Variants in PRDM15 observed in about 807,000 individuals in gnomAD.
PRDM15 encodes the protein PR domain zinc finger protein 15.
A neutral mutation model predicts 128.6 loss-of-function variants in PRDM15; 64 were observed. That is an observed-to-expected ratio of 0.50 (90% CI 0.41 to 0.61). PRDM15 has a LOEUF of 0.61. PRDM15 is among the 20% of genes least tolerant of loss of function. PRDM15 has a pLI of 0.00. For missense variants in PRDM15, 1,242 were observed against 1,569.1 expected (o/e 0.79, Z 3.52); for synonymous variants, 615 against 621.8 (o/e 0.99, Z 0.16).
In PRDM15 at chr21:41,834,696, T is replaced by G. The variant is rs144357292; in HGVS notation, c.1366+741A>C. 3.0e-3 allele frequency: 2,122 copies of G among 698,674 alleles called. 36 individuals carry two copies. In the African/African-American group the frequency reaches 0.033, roughly 11 times the overall value. 43.3% of individuals were successfully genotyped at this position (698,674 alleles called of 1,614,324 possible). A position where few individuals can be genotyped will look rare whatever the true frequency, so the allele number is the denominator to read the frequency against. On this transcript the variant is annotated intron_variant, in intron 11 of 23. Coordinates refer to ENST00000398548, the MANE Select transcript of PRDM15 (RefSeq NM_001040424.3). ...GGTGTGACTCCCACATCCCAGAGGGTGCACGTCATCACTGCAGAATACAGG... is the reference window on the plus strand; with the variant it reads ...GGTGTGACTCCCACATCCCAGAGGGGGCACGTCATCACTGCAGAATACAGG...
intron 1 of PRDM15, chr21:41,878,843 G>A: frequency 2.3e-6 from 2 of 853,486 alleles, no homozygotes; most frequent in East Asian, 2.0e-4. Context: ...GGGGCCGCGG[G>A]CCGGGGCGGC....
In PRDM15 at chr21:41,857,247, G is replaced by A. The variant is rs1355389448; in HGVS notation, c.214C>T (p.Arg72Trp). The A allele has an allele frequency of 5.0e-6, 8 of 1,613,736 alleles. No homozygotes were observed. Among genetic ancestry groups the A allele is most frequent in the African/African-American group, 1.3e-5 (1 of 74,898 alleles). ...GACTCAAAGGGACCGAACTGTGTCCGCTTGACGAGCTGAGTGATGGCGAAC... is the reference window on the plus strand; with the variant it reads ...GACTCAAAGGGACCGAACTGTGTCCACTTGACGAGCTGAGTGATGGCGAAC... ...GVFAITQLVK[R>W]TQFGPFESRR... The change falls in exon 4 of 24, where the codon CGG becomes TGG. Residue 72 changes from arginine (R) to tryptophan (W), a missense_variant. Around this residue, in one of 3 missense-constraint regions of PRDM15, gnomAD observed 612 missense variants for 717.0 expected, o/e 0.85. Transcript: ENST00000398548.
In PRDM15 at chr21:41,862,589, T is replaced by C. The variant is rs557587179; in HGVS notation, c.-9-2217A>G. Reference sequence around the variant, plus strand: ...TATGTAAATGTCCGAGTCCTGGCAATAAGGGTCCCGATTAGCAGCATCTGG... The same window carrying C: ...TATGTAAATGTCCGAGTCCTGGCAACAAGGGTCCCGATTAGCAGCATCTGG... On this transcript the variant is annotated intron_variant, in intron 1 of 23. Coordinates refer to ENST00000398548, the MANE Select transcript of PRDM15 (RefSeq NM_001040424.3). The surrounding 1 kb of genome is among the most constrained non-coding windows in gnomAD (Gnocchi z 4.1). Among the ~76,000 whole-genome samples, 48 of 152,266 alleles carry C rather than the reference T, an allele frequency of 3.2e-4. No individual in the cohort carries two copies. Among genetic ancestry groups the C allele is most frequent in the African/African-American group, 9.1e-4 (38 of 41,544 alleles).
chr21:41,806,894 C>T, intron 21 of PRDM15, among the ~76,000 whole-genome samples: 1 of 150,942 alleles, frequency 6.6e-6, no homozygotes, highest in Admixed American at 6.6e-5. Context: ...CCACTACCAC[C>T]ATGTGGCATC....
At chr21:41,823,977 G>A (rs748819453) in intron 13 of PRDM15, among the ~76,000 whole-genome samples, 4 of 152,224 alleles carry the variant, frequency 2.6e-5, no homozygotes, top group Non-Finnish European at 5.9e-5. Flanking sequence ...CCAGGGCTGG[G>A]GTTGGCGCTG....
At chr21:41,807,377 G>T (rs978178501) in intron 21 of PRDM15, among the ~76,000 whole-genome samples, 2 of 152,124 alleles carry the variant, frequency 1.3e-5, no homozygotes, top group African/African-American at 4.8e-5. Context: ...AACTTAACTA[G>T]TTAAATTAGT....
At chr21:41,871,190 A>G (rs2146015811) in intron 1 of PRDM15, among the ~76,000 whole-genome samples, 1 of 152,332 alleles carries the variant, frequency 6.6e-6, no homozygotes, top group East Asian at 1.9e-4. Context: ...GCTGCCCAGC[A>G]GTTAAAAGGC....
intron 21 of PRDM15, among the ~76,000 whole-genome samples, chr21:41,807,895 G>A (rs2061732881): frequency 6.6e-6 from 1 of 152,188 alleles, no homozygotes; most frequent in Admixed American, 6.5e-5. Context: ...TGGGCTTGAG[G>A]GGAGTGGGGA....
chr21:41,868,910 G>C (rs954361546), intron 1 of PRDM15, among the ~76,000 whole-genome samples: 1 of 152,008 alleles, frequency 6.6e-6, no homozygotes, highest in Non-Finnish European at 1.5e-5. Flanking sequence ...GGCTGGTCTC[G>C]AACTCCTCAC....
At chr21:41,878,922 C>CGCGG (rs1328668656) in intron 1 of PRDM15, 45 of 956,262 alleles carry the variant, frequency 4.7e-5, no homozygotes, top group South Asian at 9.5e-5. Flanking sequence ...TGGGCCTGGC[C>CGCGG]GCGGGCGGGC....
At position 41,800,677 on chromosome 21, in the gene PRDM15, G is replaced by A. The variant is rs958113246; in HGVS notation, c.*563C>T. 5.3e-5 allele frequency: 8 copies of A among 152,292 alleles called. No homozygotes were observed. Among genetic ancestry groups the A allele is most frequent in the Admixed American group, 1.3e-4 (2 of 15,294 alleles). 9.4% of individuals were successfully genotyped at this position (152,292 alleles called of 1,614,324 possible). A position where few individuals can be genotyped will look rare whatever the true frequency, so the allele number is the denominator to read the frequency against. On this transcript the variant is annotated 3_prime_UTR_variant, in exon 24 of 24. Transcript: ENST00000398548. Reference sequence around the variant, plus strand: ...GCACGCCTCATGGTTTCAGCCCATAGTTGTATAAGAACCGACTCCACTCCT... The same window carrying A: ...GCACGCCTCATGGTTTCAGCCCATAATTGTATAAGAACCGACTCCACTCCT...
intron 13 of PRDM15, 27 bp downstream of exon 13, chr21:41,825,933 G>C: frequency 6.5e-7 from 1 of 1,528,774 alleles, no homozygotes; most frequent in Non-Finnish European, 9.1e-7. Context: ...TTCCATCTCA[G>C]CGTCCGACGT....
intron 12 of PRDM15, among the ~76,000 whole-genome samples, chr21:41,827,791 C>T (rs1030665449): frequency 1.3e-4 from 20 of 152,074 alleles, no homozygotes; most frequent in African/African-American, 4.6e-4. Context: ...ACTGGTTTTT[C>T]CCACTTTCTG....
Position 41,802,861 on chromosome 21 carries a change from G to C in PRDM15, c.2794C>G (p.Arg932Gly). ...GGCTTCTGCTTTCTCTTGTGACTTC[G>C]CTTGGCAGCTTTCCCGTGCTTCCCT... ...AEGKHGKAAKRSHKRKQKPEE... is the reference protein window; with the variant it reads ...AEGKHGKAAKGSHKRKQKPEE... Residue 932 changes from arginine (R) to glycine (G), a missense_variant, in exon 23 of 24, where the codon CGA becomes GGA. By Grantham distance (125) the Arg-to-Gly change is moderately radical. This residue lies in a region of PRDM15 where 602 missense variants were observed against 788.3 expected (regional missense o/e 0.76). Coordinates refer to ENST00000398548, the MANE Select transcript of PRDM15 (RefSeq NM_001040424.3). The C allele has an allele frequency of 1.2e-6, 2 of 1,614,106 alleles. No individual in the cohort carries two copies. Among genetic ancestry groups the C allele is most frequent in the Non-Finnish European group, 1.7e-6 (2 of 1,180,022 alleles).
intron 11 of PRDM15, among the ~76,000 whole-genome samples, chr21:41,829,034 C>G (rs964688639): frequency 4.1e-5 from 6 of 147,308 alleles, no homozygotes; most frequent in African/African-American, 1.3e-4. Flanking sequence ...TACACACACA[C>G]GCCCCACCCA....
chr21:41,808,736 G>A (rs1348628453), intron 21 of PRDM15, among the ~76,000 whole-genome samples: 3 of 152,150 alleles, frequency 2.0e-5, no homozygotes, highest in Non-Finnish European at 4.4e-5. Flanking sequence ...TTATATATGT[G>A]CACAACGTAT....
At chr21:41,807,986 C>G (rs368888341) in intron 21 of PRDM15, among the ~76,000 whole-genome samples, 1 of 152,268 alleles carries the variant, frequency 6.6e-6, no homozygotes, top group South Asian at 2.1e-4. Context: ...GTGGTTTAAT[C>G]CTGGTGAGAG....
At chr21:41,861,707 C>T (rs372793946) in intron 1 of PRDM15, 28 of 1,613,964 alleles carry the variant, frequency 1.7e-5, no homozygotes, top group Non-Finnish European at 2.2e-5. Flanking sequence ...AAAAGCAGAC[C>T]GTGCAAAACT....
At position 41,801,311 on chromosome 21, in the gene PRDM15, C is replaced by T. The variant is rs1444769803; in HGVS notation, c.3355G>A (p.Ala1119Thr). 3 of 1,572,554 alleles carry T rather than the reference C, an allele frequency of 1.9e-6. No homozygotes were observed. Among genetic ancestry groups the T allele is most frequent in the Non-Finnish European group, 2.6e-6 (3 of 1,156,728 alleles). The change falls in exon 24 of 24, where the codon GCA becomes ACA. Residue 1119 changes from alanine to threonine, a missense_variant. Transcript: ENST00000398548. ...TDVLPPSQPQ[A>T]PPQQAAQPQV... ...GGCTGGGCCGCCTGCTGTGGGGGTG[C>T]CTGCGGCTGCGAGGGTGGCAAGACG...
Sources: allele counts gnomAD v4.1 joint callset (sites outside exome capture counted in the v4.1 genomes callset), GRCh38; gene constraint gnomAD v4.1.1; regional missense constraint gnomAD v4.1.1; non-coding constraint Gnocchi (gnomAD v3.1); transcripts MANE v1.5; gene names NCBI Gene and HGNC (gene_info 2026-07-23, HGNC 2026-07-21).